The following TRIM49C variants were observed in gnomAD, a reference collection of about 807,000 sequenced individuals.
The protein encoded by TRIM49C is tripartite motif-containing protein 49C.
A neutral mutation model predicts 21.4 loss-of-function variants in TRIM49C; 6 were observed. The observed-to-expected ratio is 0.28, with a 90% confidence interval of 0.15 to 0.55. The LOEUF (loss-of-function observed/expected upper bound fraction) is 0.55. Among genes scored for constraint, TRIM49C ranks in the 20% least tolerant of loss-of-function variants. The pLI, the probability that TRIM49C is intolerant of heterozygous loss-of-function variation, is 0.94. For synonymous variants in TRIM49C, 57 were observed against 148.1 expected, an observed-to-expected ratio of 0.38 and a Z score of 4.47; for missense variants, 161 against 442.4, an observed-to-expected ratio of 0.36 and a Z score of 5.71.
the TRIM49C span, among the ~76,000 whole-genome samples, chr11:90,064,301 G>C: frequency 6.6e-6 from 1 of 151,374 alleles, no homozygotes; most frequent in Admixed American, 6.6e-5. Flanking sequence ...CAGATGATTA[G>C]AGAGAACACT....
downstream of TRIM49C, among the ~76,000 whole-genome samples, chr11:90,046,028 T>C (rs1263393916): frequency 4.1e-5 from 5 of 122,104 alleles, 2 homozygotes; most frequent in South Asian, 6.1e-4. Flanking sequence ...TCTGCATCTA[T>C]TGAGATAATC....
chr11:90,065,236 AC>A, the TRIM49C span, among the ~76,000 whole-genome samples: 2 of 121,488 alleles, frequency 1.6e-5, no homozygotes, highest in African/African-American at 5.8e-5. Context: ...TAAGACAGTT[AC>A]TTGTTTGCTT....
At chr11:90,066,981 T>C in the TRIM49C span, among the ~76,000 whole-genome samples, 1 of 137,546 alleles carries the variant, frequency 7.3e-6, no homozygotes, top group Non-Finnish European at 1.6e-5. Flanking sequence ...TTGGCCAGGC[T>C]GGACTCGAAC....
At chr11:90,073,107 T>A in the TRIM49C span, 1 of 783,018 alleles carries the variant, frequency 1.3e-6, no homozygotes, top group Non-Finnish European at 2.1e-6. Context: ...GCTCTGGGAG[T>A]CTGTAAGGAC....
chr11:90,042,525 G>A (rs1436093219), downstream of TRIM49C, among the ~76,000 whole-genome samples: 1 of 123,856 alleles, frequency 8.1e-6, no homozygotes, highest in African/African-American at 3.1e-5. Flanking sequence ...TAAATAACTA[G>A]CCAAATATAA....
Position 90,037,113 on chromosome 11 carries a change from A to T in TRIM49C, c.508-636A>T, listed in dbSNP as rs1565480204. Among the ~76,000 whole-genome samples, 2 of 134,880 alleles carry T rather than the reference A, an allele frequency of 1.5e-5. 1 individual carries two copies. Among genetic ancestry groups the T allele is most frequent in the South Asian group, 5.1e-4 (2 of 3,930 alleles). 88.5% of individuals were successfully genotyped at this position (134,880 alleles called of 152,430 possible). ...TATGTATGTATGTGTGTGTGTTTGTATACATATATATGTAATTCTAGTTGG... is the reference window on the plus strand; with the variant it reads ...TATGTATGTATGTGTGTGTGTTTGTTTACATATATATGTAATTCTAGTTGG... On this transcript the variant is annotated intron_variant, in intron 4 of 7. Coordinates refer to ENST00000448984, the MANE Select transcript of TRIM49C (RefSeq NM_001195234.1).
chr11:90,034,546 C>T (rs1950711134), intron 2 of TRIM49C, among the ~76,000 whole-genome samples: 1 of 125,684 alleles, frequency 8.0e-6, no homozygotes, highest in African/African-American at 3.2e-5. Context: ...TTTCTTTTCC[C>T]TACTAGTGAA....
chr11:90,034,506 A>G (rs1402778372), intron 2 of TRIM49C, among the ~76,000 whole-genome samples: 1 of 123,918 alleles, frequency 8.1e-6, no homozygotes, highest in Non-Finnish European at 1.6e-5. Context: ...ATCCGCAAGA[A>G]AATAAAAAGA....
chr11:90,046,027 A>C (rs1299832321), downstream of TRIM49C, among the ~76,000 whole-genome samples: 1 of 121,758 alleles, frequency 8.2e-6, no homozygotes, highest in African/African-American at 3.3e-5. Context: ...TTCTGCATCT[A>C]TTGAGATAAT....
chr11:90,070,119 G>A, the TRIM49C span, among the ~76,000 whole-genome samples: 1 of 84,524 alleles, frequency 1.2e-5, no homozygotes, highest in Non-Finnish European at 2.2e-5. Context: ...CCCTACAAAC[G>A]TGCTCAACTG....
downstream of TRIM49C, among the ~76,000 whole-genome samples, chr11:90,046,875 G>A (rs1342533186): frequency 2.4e-5 from 3 of 123,694 alleles, no homozygotes; most frequent in East Asian, 2.6e-4. Context: ...GTCAATTTTG[G>A]ATCTTTCCTG....
At chr11:90,038,653 G>C in intron 5 of TRIM49C, 40 bp from the exon 6 acceptor site, 1 of 828,572 alleles carries the variant, frequency 1.2e-6, no homozygotes, top group Non-Finnish European at 1.7e-6. Context: ...GATGCATCTT[G>C]TGAAATGCAC....
Position 90,034,657 on chromosome 11 carries a change from A to G in TRIM49C, c.-4-551A>G, listed in dbSNP as rs1363280777. 1.6e-5 allele frequency among the ~76,000 whole-genome samples: 2 copies of G among 127,682 alleles called. 1 individual carries two copies. Among genetic ancestry groups the G allele is most frequent in the Non-Finnish European group, 3.3e-5 (2 of 61,200 alleles). The allele number at this position is 127,682 out of a possible 152,430, so 83.8% of individuals were successfully genotyped here. On this transcript the variant is annotated intron_variant, in intron 2 of 7. Coordinates refer to ENST00000448984, the MANE Select transcript of TRIM49C (RefSeq NM_001195234.1). ...GGGTCTTTGTTTTTAATTTAATTTA[A>G]TTTTAAGTCCTGGGATAACTGCAGG...
At chr11:90,034,015 C>A (rs1950706508) in intron 2 of TRIM49C, among the ~76,000 whole-genome samples, 1 of 128,152 alleles carries the variant, frequency 7.8e-6, no homozygotes, top group Admixed American at 9.1e-5. Context: ...TGTCCACAAG[C>A]TATACATGAT....
At chr11:90,031,977 C>CA (rs1037103390) in intron 1 of TRIM49C, among the ~76,000 whole-genome samples, 3 of 134,894 alleles carry the variant, frequency 2.2e-5, no homozygotes, top group African/African-American at 5.3e-5. Flanking sequence ...AAAATTTCAA[C>CA]AAAAAAAATT....
At chr11:90,046,098 G>A (rs1243306173), downstream of TRIM49C, among the ~76,000 whole-genome samples, 1 of 122,192 alleles carries the variant, frequency 8.2e-6, no homozygotes. Flanking sequence ...ATTTGCGTAT[G>A]TTGAACCAGC....
chr11:90,031,634 A>C (rs1950688414), intron 1 of TRIM49C, among the ~76,000 whole-genome samples: 1 of 151,786 alleles, frequency 6.6e-6, no homozygotes, highest in Admixed American at 6.6e-5. Context: ...ATCATGCACT[A>C]TATGGAGAAA....
At chr11:90,069,608 C>T in the TRIM49C span, among the ~76,000 whole-genome samples, 2 of 125,446 alleles carry the variant, frequency 1.6e-5, no homozygotes, top group East Asian at 2.4e-4. Flanking sequence ...ACCATATTTG[C>T]CCCCATTGTC....
At chr11:90,055,946 C>T in the TRIM49C span, among the ~76,000 whole-genome samples, 3 of 129,258 alleles carry the variant, frequency 2.3e-5, no homozygotes, top group African/African-American at 5.6e-5. Flanking sequence ...CATTCTCTGT[C>T]ATCTGGATTC....
Sources: gnomAD v4.1 joint callset for allele counts (sites outside exome capture counted in the v4.1 genomes callset) on GRCh38, gnomAD v4.1.1 for gene constraint, MANE v1.5 for transcripts, NCBI Gene and HGNC (gene_info 2026-07-23, HGNC 2026-07-21) for gene names.